The following HMGCLL1 variants were observed in gnomAD, a reference collection of about 807,000 sequenced individuals.
The protein encoded by HMGCLL1 is 3-hydroxymethyl-3-methylglutaryl-CoA lyase, cytoplasmic.
Under a neutral mutation model 39.1 loss-of-function variants are expected in HMGCLL1, and 36 were observed. The ratio of observed to expected loss-of-function variants is 0.92; its 90% CI spans 0.71 to 1.22. The LOEUF (loss-of-function observed/expected upper bound fraction) is 1.22. Ranked by LOEUF, HMGCLL1 falls within the 50% of genes most tolerant of loss-of-function variation. HMGCLL1 has a pLI of 0.00. For missense variants in HMGCLL1, 451 were observed against 416.5 expected (o/e 1.08, Z -0.72); for synonymous variants, 149 against 144.0 (o/e 1.03, Z -0.25).
the HMGCLL1 span, among the ~76,000 whole-genome samples, chr6:55,590,240 A>G: frequency 6.6e-6 from 1 of 152,134 alleles, no homozygotes; most frequent in African/African-American, 2.4e-5. Context: ...GCCCTCAGAA[A>G]TAATGCCACA....
chr6:55,478,716 G>A (rs1163477320), intron 7 of HMGCLL1, among the ~76,000 whole-genome samples: 1 of 151,134 alleles, frequency 6.6e-6, no homozygotes, highest in Non-Finnish European at 1.5e-5. Context: ...CAAATCTTTA[G>A]TGAAGGTCAT....
intron 3 of HMGCLL1, among the ~76,000 whole-genome samples, chr6:55,536,340 C>A (rs942823611): frequency 1.4e-4 from 21 of 152,150 alleles, no homozygotes; most frequent in Admixed American, 1.4e-3. Flanking sequence ...CTATGGCATA[C>A]ATAAATGTAC....
chr6:55,588,927 C>CA, the HMGCLL1 span, among the ~76,000 whole-genome samples: 750 of 151,996 alleles, frequency 4.9e-3, 8 homozygotes, highest in African/African-American at 0.017. Context: ...GCTTACCAAC[C>CA]AAAAAAAGTC....
chr6:55,571,572 G>A (rs776158123), intron 1 of HMGCLL1, among the ~76,000 whole-genome samples: 19 of 152,160 alleles, frequency 1.2e-4, no homozygotes, highest in Middle Eastern at 3.4e-3. Context: ...TTGGGAGGCC[G>A]GGGCAGGCAG....
At chr6:55,675,309 T>G in the HMGCLL1 span, among the ~76,000 whole-genome samples, 6 of 152,132 alleles carry the variant, frequency 3.9e-5, no homozygotes, top group Non-Finnish European at 8.8e-5. Context: ...CTTTTCTGAG[T>G]GGTGTTTCAC....
intron 1 of HMGCLL1, among the ~76,000 whole-genome samples, chr6:55,555,260 C>CTA (rs976396128): frequency 3.3e-5 from 5 of 152,130 alleles, no homozygotes; most frequent in Non-Finnish European, 7.3e-5. Flanking sequence ...TGTTCTTCCC[C>CTA]TATATATATC....
At chr6:55,586,785 A>C in the HMGCLL1 span, among the ~76,000 whole-genome samples, 1 of 152,028 alleles carries the variant, frequency 6.6e-6, no homozygotes, top group African/African-American at 2.4e-5. Flanking sequence ...CATGTTCTTA[A>C]TCCAGTCTAT....
At chr6:55,620,149 G>C in the HMGCLL1 span, among the ~76,000 whole-genome samples, 1 of 152,024 alleles carries the variant, frequency 6.6e-6, no homozygotes. Flanking sequence ...AGTAAACATA[G>C]GAGTACAGAT....
chr6:55,556,005 T>C (rs913980874), intron 1 of HMGCLL1, among the ~76,000 whole-genome samples: 2 of 152,116 alleles, frequency 1.3e-5, no homozygotes, highest in Admixed American at 1.3e-4. Flanking sequence ...AAGGCCAGTA[T>C]GCAGGATCTT....
At chr6:55,582,543 T>C (rs1400548291), upstream of HMGCLL1, among the ~76,000 whole-genome samples, 1 of 152,188 alleles carries the variant, frequency 6.6e-6, no homozygotes, top group Non-Finnish European at 1.5e-5. Context: ...TAGCAGTCTT[T>C]GCAGTCTCAA....
At position 55,533,818 on chromosome 6, in the gene HMGCLL1, G is replaced by A. The variant is rs567213066; in HGVS notation, c.297+7911C>T. ...GGAGAATGGCGTGAACCCGGGAGGC[G>A]GAGCTTGCAGTGAGCCGAGATCGCG... On this transcript the variant is annotated intron_variant, in intron 3 of 8. Transcript: ENST00000274901. 4.2e-3 allele frequency among the ~76,000 whole-genome samples: 596 copies of A among 141,572 alleles called. 12 individuals carry two copies. The highest frequency in any genetic ancestry group is 1.5e-3 in the East Asian group (7 of 4,776). 92.9% of individuals were successfully genotyped at this position (141,572 alleles called of 152,430 possible). A position where few individuals can be genotyped will look rare whatever the true frequency, so the allele number is the denominator to read the frequency against.
At chr6:55,612,239 AG>A in the HMGCLL1 span, among the ~76,000 whole-genome samples, 1 of 152,158 alleles carries the variant, frequency 6.6e-6, no homozygotes, top group Admixed American at 6.6e-5. Flanking sequence ...ACAGCTAACA[AG>A]GGATGCCAAG....
chr6:55,653,411 C>G, the HMGCLL1 span, among the ~76,000 whole-genome samples: 6 of 151,826 alleles, frequency 4.0e-5, no homozygotes, highest in African/African-American at 7.3e-5. Context: ...AAATACAAAA[C>G]AGTTTGGATT....
chr6:55,558,640 T>C (rs1770792505), intron 1 of HMGCLL1, among the ~76,000 whole-genome samples: 1 of 151,916 alleles, frequency 6.6e-6, no homozygotes, highest in Non-Finnish European at 1.5e-5. Context: ...CCAATAACAA[T>C]CACAAATAAG....
At chr6:55,583,858 T>C (rs1772025681), upstream of HMGCLL1, among the ~76,000 whole-genome samples, 1 of 152,158 alleles carries the variant, frequency 6.6e-6, no homozygotes. Flanking sequence ...CATAACGATA[T>C]AATAAATATA....
chr6:55,577,115 G>A, intron 1 of HMGCLL1: 1 of 1,612,372 alleles, frequency 6.2e-7, no homozygotes, highest in South Asian at 1.1e-5. Flanking sequence ...CAAGGAGACT[G>A]AGAAGCCAGA....
the HMGCLL1 span, among the ~76,000 whole-genome samples, chr6:55,621,277 G>T: frequency 6.6e-6 from 1 of 151,952 alleles, no homozygotes; most frequent in Non-Finnish European, 1.5e-5. Context: ...TTTCATTTTT[G>T]GTATTCTTTT....
intron 7 of HMGCLL1, among the ~76,000 whole-genome samples, chr6:55,440,518 G>A (rs1171866446): frequency 1.3e-5 from 2 of 152,042 alleles, no homozygotes; most frequent in South Asian, 2.1e-4. Context: ...GAAGGGCCCC[G>A]GAGTTCAAAT....
intron 5 of HMGCLL1, among the ~76,000 whole-genome samples, chr6:55,502,296 C>G (rs895202060): frequency 3.3e-5 from 5 of 151,632 alleles, no homozygotes; most frequent in African/African-American, 4.8e-5. Flanking sequence ...TTTTTCTCTA[C>G]TGTTCTATCT....
Sources: allele counts gnomAD v4.1 joint callset (sites outside exome capture counted in the v4.1 genomes callset), GRCh38; gene constraint gnomAD v4.1.1; transcripts MANE v1.5; gene names NCBI Gene and HGNC (gene_info 2026-07-23, HGNC 2026-07-21).